The following AOAH variants were observed in gnomAD, a reference collection of about 807,000 sequenced individuals.
The protein encoded by AOAH is acyloxyacyl hydrolase, also known as acyloxyacyl hydrolase (neutrophil).
Under a neutral mutation model 92.2 loss-of-function variants are expected in AOAH, and 64 were observed. The observed-to-expected ratio is 0.69, with a 90% CI of 0.57 to 0.86. AOAH has a LOEUF of 0.86. AOAH is among the 40% of genes least tolerant of loss of function. The pLI is 0.00. For missense variants in AOAH, 656 were observed against 694.6 expected, an observed-to-expected ratio of 0.94 and a Z score of 0.62; for synonymous variants, 263 against 254.5, an observed-to-expected ratio of 1.03 and a Z score of -0.32.
chr7:36,581,027 T>C (rs1374915523), intron 12 of AOAH, among the ~76,000 whole-genome samples: 1 of 152,152 alleles, frequency 6.6e-6, no homozygotes, highest in Non-Finnish European at 1.5e-5. Flanking sequence ...AGAATAAAGC[T>C]CTAGTCTTAT....
intron 1 of AOAH, among the ~76,000 whole-genome samples, chr7:36,692,304 C>G (rs1797451923): frequency 6.6e-6 from 1 of 152,208 alleles, no homozygotes; most frequent in East Asian, 1.9e-4. Flanking sequence ...AAAATAAAGG[C>G]ACAGAAGCTC....
intron 1 of AOAH, chr7:36,690,113 TC>T (rs1308651468): frequency 1.6e-5 from 7 of 446,864 alleles, no homozygotes; most frequent in Non-Finnish European, 3.1e-5. Context: ...GGGCTTTTCT[TC>T]TGAATTTCAC....
intron 1 of AOAH, among the ~76,000 whole-genome samples, chr7:36,705,461 C>T (rs1435215778): frequency 6.6e-6 from 1 of 152,212 alleles, no homozygotes; most frequent in East Asian, 1.9e-4. Context: ...GAAATACAAA[C>T]CATTGCTCAA....
At chr7:36,662,093 C>T (rs1441979834) in intron 3 of AOAH, among the ~76,000 whole-genome samples, 1 of 152,148 alleles carries the variant, frequency 6.6e-6, no homozygotes, top group Non-Finnish European at 1.5e-5. Flanking sequence ...CTACTGCGCA[C>T]CTTCCAGTAG....
rs944013907 is a variant in AOAH at position 36,512,985 on chromosome 7, C to T, written c.*267G>A. On this transcript the variant is annotated 3_prime_UTR_variant, in exon 21 of 21. Transcript: ENST00000617537. ...TTAGAACAATTAGCTGTAAAGGGCA[C>T]AGATACTCTCTTGTTTGGAATGGCA... The T allele has an allele frequency of 1.5e-5, 22 of 1,426,302 alleles. No individual in the cohort carries two copies. The African/African-American group carries it at 2.8e-4, about 18-fold the overall frequency. The allele number at this position is 1,426,302 out of a possible 1,614,324, so 88.4% of individuals were successfully genotyped here. A position where few individuals can be genotyped will look rare whatever the true frequency, so the allele number is the denominator to read the frequency against.
chr7:36,669,366 T>C (rs948592361), intron 3 of AOAH, among the ~76,000 whole-genome samples: 4 of 147,444 alleles, frequency 2.7e-5, no homozygotes, highest in African/African-American at 7.6e-5. Context: ...AGAATTATAT[T>C]CCCCCCCCAC....
At chr7:36,702,237 C>T (rs1798074585) in intron 1 of AOAH, among the ~76,000 whole-genome samples, 1 of 152,162 alleles carries the variant, frequency 6.6e-6, no homozygotes. Context: ...TATTTATCTA[C>T]ATATTTACAT....
intron 20 of AOAH, 48 bp downstream of exon 20, chr7:36,521,991 A>C: frequency 6.6e-7 from 1 of 1,518,578 alleles, no homozygotes. Flanking sequence ...ATTAAAAACC[A>C]ACAAACCATC....
intron 2 of AOAH, among the ~76,000 whole-genome samples, chr7:36,679,552 T>TATTATATGTATAATATGTATAC (rs1796505460): frequency 1.4e-5 from 2 of 140,204 alleles, no homozygotes; most frequent in East Asian, 1.9e-4. Context: ...TGTTATACAT[T>TATTATATGTATAATATGTATAC]ATTATATGTA....
intron 2 of AOAH, among the ~76,000 whole-genome samples, chr7:36,686,231 G>C (rs181440599): frequency 1.7e-3 from 252 of 152,278 alleles, no homozygotes; most frequent in African/African-American, 5.7e-3. Flanking sequence ...AAATGTTCTA[G>C]ATTATTTTCC....
intron 1 of AOAH, among the ~76,000 whole-genome samples, chr7:36,700,076 C>A (rs754985763): frequency 6.6e-6 from 1 of 151,676 alleles, no homozygotes; most frequent in South Asian, 2.1e-4. Flanking sequence ...TGTATGTTCC[C>A]GGTGTCTTTG....
chr7:36,679,625 A>G (rs1344447550), intron 2 of AOAH, among the ~76,000 whole-genome samples: 1 of 151,836 alleles, frequency 6.6e-6, no homozygotes, highest in Non-Finnish European at 1.5e-5. Context: ...TAATTATTAT[A>G]TACAAACTTG....
intron 3 of AOAH, among the ~76,000 whole-genome samples, chr7:36,671,289 G>A (rs1795909373): frequency 1.3e-5 from 2 of 151,930 alleles, no homozygotes; most frequent in South Asian, 4.2e-4. Context: ...TTACACCTGG[G>A]CCTGGAGATA....
chr7:36,707,363 C>T (rs948110527), intron 1 of AOAH, among the ~76,000 whole-genome samples: 2 of 151,940 alleles, frequency 1.3e-5, no homozygotes, highest in African/African-American at 4.8e-5. Flanking sequence ...CACCCCGAAA[C>T]AATTACAATA....
chr7:36,630,081 G>A (rs1033468473), intron 6 of AOAH, among the ~76,000 whole-genome samples: 2 of 152,198 alleles, frequency 1.3e-5, no homozygotes, highest in Non-Finnish European at 2.9e-5. Context: ...TGCAAGGCAA[G>A]GTATGCCAAC....
intron 4 of AOAH, among the ~76,000 whole-genome samples, chr7:36,639,575 C>T (rs1455165353): frequency 2.6e-5 from 4 of 152,172 alleles, no homozygotes; most frequent in African/African-American, 9.7e-5. Flanking sequence ...AGGAAAAAAC[C>T]TTGCAAAGGA....
chr7:36,702,556 G>A (rs1285347341), intron 1 of AOAH, among the ~76,000 whole-genome samples: 1 of 152,126 alleles, frequency 6.6e-6, no homozygotes, highest in Non-Finnish European at 1.5e-5. Context: ...TGAAATTTTG[G>A]TTTCCTAGTG....
At chr7:36,543,087 A>G (rs1261287187) in intron 15 of AOAH, among the ~76,000 whole-genome samples, 4 of 152,100 alleles carry the variant, frequency 2.6e-5, no homozygotes, top group Admixed American at 2.0e-4. Context: ...GGGAGAGAAA[A>G]AGATGTCTAA....
intron 20 of AOAH, among the ~76,000 whole-genome samples, chr7:36,520,845 G>A (rs1784072105): frequency 6.6e-6 from 1 of 152,110 alleles, no homozygotes; most frequent in South Asian, 2.1e-4. Flanking sequence ...TCATCCAACT[G>A]ATACACAGGA....
Sources: allele counts gnomAD v4.1 joint callset (sites outside exome capture counted in the v4.1 genomes callset), GRCh38; gene constraint gnomAD v4.1.1; transcripts MANE v1.5; gene names NCBI Gene and HGNC (gene_info 2026-07-23, HGNC 2026-07-21).